PDE6A: variants seen among roughly 807,000 people sequenced by gnomAD.
The protein encoded by PDE6A is phosphodiesterase 6A, also known as rod cGMP-specific 3',5'-cyclic phosphodiesterase subunit alpha.
Under a neutral mutation model 106.3 loss-of-function variants are expected in PDE6A, and 84 were observed. The observed-to-expected ratio is 0.79, with a 90% CI of 0.66 to 0.95. PDE6A has a LOEUF of 0.95. Among genes scored for constraint, PDE6A ranks in the 40% least tolerant of loss-of-function variants. The probability of loss-of-function intolerance (pLI) is 0.00; values close to 1 mark genes in which losing one functional copy is unlikely to be tolerated. For missense variants in PDE6A, 1,052 were observed against 1,084.9 expected (o/e 0.97, Z 0.43); for synonymous variants, 394 against 386.6 (o/e 1.02, Z -0.23).
Position 149,921,624 on chromosome 5 carries a change from AG to A in PDE6A, c.933+10del. The A allele has an allele frequency of 6.2e-7, 1 of 1,605,770 alleles. No homozygotes were observed. Among genetic ancestry groups the A allele is most frequent in the South Asian group, 1.1e-5 (1 of 90,844 alleles). ...TATTAAATCATACTGAAAAGGTCAG[AG>A]AGAACGTACTCTTCCATCCGGAGTC... On this transcript the variant is annotated intron_variant, in intron 5 of 21. Coordinates refer to ENST00000255266, the MANE Select transcript of PDE6A (RefSeq NM_000440.3).
At chr5:149,941,937 T>G (rs1459103737) in intron 1 of PDE6A, among the ~76,000 whole-genome samples, 1 of 152,136 alleles carries the variant, frequency 6.6e-6, no homozygotes, top group African/African-American at 2.4e-5. Flanking sequence ...AGCTTTCCTT[T>G]CCTTGCCTTG....
chr5:149,893,143 T>C (rs980170156), intron 13 of PDE6A, among the ~76,000 whole-genome samples: 4 of 152,234 alleles, frequency 2.6e-5, no homozygotes, highest in African/African-American at 9.6e-5. Flanking sequence ...GACAACCAGA[T>C]CTTTCATGAT....
chr5:149,934,504 G>A, intron 2 of PDE6A, 62 bp downstream of exon 2: 2 of 1,554,956 alleles, frequency 1.3e-6, no homozygotes, highest in Non-Finnish European at 1.8e-6. Flanking sequence ...AAAGTTCAGG[G>A]GACTTCATAG....
chr5:149,867,735 T>C lies in PDE6A; in HGVS notation c.2264A>G (p.Gln755Arg), dbSNP rs1469315732. The stretch of plus-strand genomic sequence containing the variant: ...CCCCTGTCTACTCACAATGGGATTC[T>C]GTTGCAGCACCGTGCGCTCCAGGTC... ...QGDLERTVLQ[Q>R]NPIPMMDRNK... Residue 755 changes from glutamine to arginine, a missense_variant, in exon 19 of 22, where the codon CAG becomes CGG. This residue lies in a region of PDE6A where 135 missense variants were observed against 153.2 expected (regional missense o/e 0.88). Transcript: ENST00000255266. 7 of 1,613,808 alleles carry C rather than the reference T, an allele frequency of 4.3e-6. No homozygotes were observed. In the African/African-American group the frequency reaches 5.3e-5, roughly 12 times the overall value.
chr5:149,912,520 G>A (rs116422115), intron 6 of PDE6A, among the ~76,000 whole-genome samples: 58 of 152,264 alleles, frequency 3.8e-4, no homozygotes, highest in Non-Finnish European at 7.2e-4. Flanking sequence ...TAAGTGCTAT[G>A]TGTGTGTCAC....
intron 6 of PDE6A, among the ~76,000 whole-genome samples, chr5:149,908,150 T>C (rs1446261218): frequency 6.6e-6 from 1 of 152,134 alleles, no homozygotes; most frequent in East Asian, 1.9e-4. Flanking sequence ...TTTGTCTGGC[T>C]TGTCACGTTG....
chr5:149,939,677 T>G (rs114526861), intron 1 of PDE6A, among the ~76,000 whole-genome samples: 320 of 152,310 alleles, frequency 2.1e-3, no homozygotes, highest in Non-Finnish European at 3.1e-3. Context: ...TTTCCCCATT[T>G]TATAAAATAG....
chr5:149,930,884 A>G (rs3756305), intron 4 of PDE6A, 144 bp downstream of exon 4: 86,442 of 794,490 alleles, frequency 0.11, 7,454 homozygotes, highest in African/African-American at 0.29. Flanking sequence ...ACTCCTCAGT[A>G]GAGACCTATG....
intron 15 of PDE6A, 75 bp downstream of exon 15, chr5:149,884,705 C>T (rs1752216883): frequency 1.3e-6 from 2 of 1,484,858 alleles, no homozygotes; most frequent in African/African-American, 1.4e-5. Context: ...GCTCCCTGGG[C>T]ACACTCAGGC....
chr5:149,882,396 G>T (rs1486550441), intron 17 of PDE6A, among the ~76,000 whole-genome samples: 1 of 152,040 alleles, frequency 6.6e-6, no homozygotes. Flanking sequence ...TAGGCAACTA[G>T]TCAGCCTTGT....
At chr5:149,882,795 C>G (rs139841767) in intron 17 of PDE6A, among the ~76,000 whole-genome samples, 1 of 152,124 alleles carries the variant, frequency 6.6e-6, no homozygotes. Context: ...TGATGGCTCA[C>G]GCCTATAATC....
intron 1 of PDE6A, among the ~76,000 whole-genome samples, chr5:149,935,171 G>C (rs1030213477): frequency 3.3e-5 from 5 of 152,158 alleles, no homozygotes; most frequent in Non-Finnish European, 7.3e-5. Flanking sequence ...TAAGCTATGA[G>C]ATAAGTACCA....
chr5:149,862,663 C>T (rs535212056), intron 21 of PDE6A, among the ~76,000 whole-genome samples: 85 of 152,272 alleles, frequency 5.6e-4, no homozygotes, highest in African/African-American at 2.4e-4. Flanking sequence ...GAAGCTGAGG[C>T]GGAAGAATTG....
Position 149,863,028 on chromosome 5 carries a change from G to A in PDE6A, c.2506+91C>T. ...ATTGGCCATCAGGAGGCCTGAATGA[G>A]ACTCCGTGTAAGAGTCTCTGAGGCA... is the stretch of plus-strand genomic sequence containing the variant. On this transcript the variant is annotated intron_variant, in intron 21 of 21. Coordinates refer to ENST00000255266, the MANE Select transcript of PDE6A (RefSeq NM_000440.3). The surrounding 1 kb of genome is among the most constrained non-coding windows in gnomAD (Gnocchi z 4.7). The A allele has an allele frequency of 6.6e-7, 1 of 1,510,358 alleles. No homozygotes were observed. Among genetic ancestry groups the A allele is most frequent in the Non-Finnish European group, 9.2e-7 (1 of 1,086,214 alleles). The allele number at this position is 1,510,358 out of a possible 1,614,324, so 93.6% of individuals were successfully genotyped here. A position where few individuals can be genotyped will look rare whatever the true frequency, so the allele number is the denominator to read the frequency against.
chr5:149,944,667 C>T lies in PDE6A; in HGVS notation c.7G>A (p.Glu3Lys), dbSNP rs577050700. ...TTCTCCACCTCCTCTGCTGTCACCT[C>T]GCCCATGGCTGGGAATCCCACTGGC... The part of the protein sequence containing the change: MG[E>K]VTAEEVEKFL... Residue 3 changes from glutamate (E) to lysine (K), a missense_variant, in exon 1 of 22, where the codon GAG becomes AAG. This residue lies in a region of PDE6A where 913 missense variants were observed against 915.2 expected (regional missense o/e 1.00). Coordinates refer to ENST00000255266, the MANE Select transcript of PDE6A (RefSeq NM_000440.3). The T allele has an allele frequency of 1.1e-5, 18 of 1,606,250 alleles. No individual in the cohort carries two copies. Among genetic ancestry groups the T allele is most frequent in the African/African-American group, 1.1e-4 (8 of 74,908 alleles).
intron 3 of PDE6A, chr5:149,932,309 A>G: frequency 7.0e-7 from 1 of 1,423,572 alleles, no homozygotes; most frequent in Non-Finnish European, 9.9e-7. Context: ...GGCCAACTGC[A>G]CGGATTTCTT....
chr5:149,883,883 TTTG>T (rs1761023203), intron 16 of PDE6A, among the ~76,000 whole-genome samples: 1 of 152,124 alleles, frequency 6.6e-6, no homozygotes, highest in Admixed American at 6.5e-5. Context: ...AACTATGATG[TTTG>T]TTATTATTAT....
chr5:149,882,779 C>T (rs953461155), intron 17 of PDE6A, among the ~76,000 whole-genome samples: 7 of 151,584 alleles, frequency 4.6e-5, no homozygotes, highest in South Asian at 2.1e-4. Context: ...TAATTCGGGC[C>T]GGGCATGATG....
At chr5:149,901,302 G>C (rs555878980) in intron 8 of PDE6A, among the ~76,000 whole-genome samples, 1 of 152,112 alleles carries the variant, frequency 6.6e-6, no homozygotes, top group African/African-American at 2.4e-5. Context: ...GCCAAGGCAG[G>C]CAGATCACCT....
Sources: allele counts gnomAD v4.1 joint callset (sites outside exome capture counted in the v4.1 genomes callset), GRCh38; gene constraint gnomAD v4.1.1; regional missense constraint gnomAD v4.1.1; non-coding constraint Gnocchi (gnomAD v3.1); transcripts MANE v1.5; gene names NCBI Gene and HGNC (gene_info 2026-07-23, HGNC 2026-07-21).